MAN2B2: variants seen among roughly 807,000 people sequenced by gnomAD.
The protein encoded by MAN2B2 is epididymis-specific alpha-mannosidase.
In MAN2B2, 106 loss-of-function variants were observed where a neutral mutation model predicts 117.1. That is an observed-to-expected ratio of 0.90 (90% CI 0.77 to 1.06). MAN2B2 has a LOEUF of 1.06. MAN2B2 is among the 50% of genes least tolerant of loss of function. The probability of loss-of-function intolerance (pLI) is 0.00; values close to 1 mark genes in which losing one functional copy is unlikely to be tolerated. For missense variants in MAN2B2, 1,326 were observed against 1,381.4 expected, an observed-to-expected ratio of 0.96 and a Z score of 0.64; for synonymous variants, 544 against 595.1, an observed-to-expected ratio of 0.91 and a Z score of 1.25.
In MAN2B2 at chr4:6,608,882, G is replaced by A. The variant is rs573333445; in HGVS notation, c.1815-225G>A. On this transcript the variant is annotated intron_variant, in intron 11 of 18. Transcript: ENST00000285599. ...GACGGCTCACGGTTCCTGTCTGCAG[G>A]CTCTGTCCGTCTCCTCGTTTGTGAC... 2.4e-3 allele frequency among the ~76,000 whole-genome samples: 365 copies of A among 152,302 alleles called. 2 individuals carry two copies. Among genetic ancestry groups the A allele is most frequent in the South Asian group, 0.022 (107 of 4,828 alleles).
intron 5 of MAN2B2, among the ~76,000 whole-genome samples, chr4:6,591,344 G>A (rs1193745803): frequency 1.3e-5 from 2 of 152,218 alleles, no homozygotes; most frequent in Admixed American, 6.5e-5. Flanking sequence ...CACAGGTGAC[G>A]TCCATAGCAG....
At chr4:6,614,082 T>C in intron 15 of MAN2B2, 136 bp from the exon 16 acceptor site, 3 of 1,084,288 alleles carry the variant, frequency 2.8e-6, no homozygotes, top group Admixed American at 2.6e-5. Context: ...TTTGGGCTGG[T>C]GCGGGGTAGG....
chr4:6,595,332 A>G (rs1727037609), intron 7 of MAN2B2, among the ~76,000 whole-genome samples: 1 of 152,224 alleles, frequency 6.6e-6, no homozygotes, highest in African/African-American at 2.4e-5. Flanking sequence ...GTGAAAATTC[A>G]ATGAGAAGAA....
chr4:6,578,316 G>A, intron 2 of MAN2B2, 77 bp from the exon 3 acceptor site: 4 of 1,061,544 alleles, frequency 3.8e-6, no homozygotes, highest in Non-Finnish European at 5.7e-6. Flanking sequence ...GTGTGGCGCT[G>A]TAGGTGTGTT....
intron 16 of MAN2B2, among the ~76,000 whole-genome samples, chr4:6,614,788 G>A (rs1299721524): frequency 2.6e-5 from 4 of 152,358 alleles, no homozygotes; most frequent in Non-Finnish European, 5.9e-5. Context: ...TCAACAGCAC[G>A]TCTCGTGCCA....
Position 6,621,332 on chromosome 4 carries a change from T to C in MAN2B2, c.*47T>C, listed in dbSNP as rs1191361998. The C allele has an allele frequency of 1.3e-6, 2 of 1,522,128 alleles. No homozygotes were observed. The highest frequency in any genetic ancestry group is 2.3e-5 in the South Asian group (2 of 87,986). The allele number at this position is 1,522,128 out of a possible 1,614,324, so 94.3% of individuals were successfully genotyped here. A position where few individuals can be genotyped will look rare whatever the true frequency, so the allele number is the denominator to read the frequency against. ...CCCAGGGCTTCCCCCAGGAACTCCA[T>C]GTAACAGAACAGACCCAGGACAGGG... is the stretch of plus-strand genomic sequence containing the variant. On this transcript the variant is annotated 3_prime_UTR_variant, in exon 19 of 19. Coordinates refer to ENST00000285599, the MANE Select transcript of MAN2B2 (RefSeq NM_015274.3).
rs200941606 is a variant in MAN2B2 at position 6,609,128 on chromosome 4, C to T, written c.1836C>T (p.Arg612=). The change falls in exon 12 of 19, where the codon CGC becomes CGT. Residue 612 remains arginine (R), a synonymous_variant. Transcript: ENST00000285599. The part of the protein sequence containing the change: ...IWERQSNRTV[R]VTQEFLEYHV... ...GCAGACAGAGTAACCGAACGGTGCG[C>T]GTGACCCAGGAATTCCTGGAGTACC... The T allele has an allele frequency of 6.1e-4, 984 of 1,613,982 alleles. 2 individuals carry two copies. The highest frequency in any genetic ancestry group is 7.7e-4 in the Non-Finnish European group (903 of 1,179,914).
chr4:6,614,056 T>C (rs1009561367), intron 15 of MAN2B2, among the ~76,000 whole-genome samples, 162 bp from the exon 16 acceptor site: 8 of 152,042 alleles, frequency 5.3e-5, no homozygotes, highest in African/African-American at 1.2e-4. Context: ...GCCTGGGGCA[T>C]TGGGAGCACA....
rs770725079 is a variant in MAN2B2 at position 6,609,946 on chromosome 4, A to G, written c.2155A>G (p.Thr719Ala). Reference sequence around the variant, plus strand: ...GCTGAACCGTGAGGCTGTCCTGAGGACCAGCACCAACCTAAACAGCCAGCA... The same window carrying G: ...GCTGAACCGTGAGGCTGTCCTGAGGGCCAGCACCAACCTAAACAGCCAGCA... ...LELNREAVLR[T>A]STNLNSQQVI... is the part of the protein sequence containing the mutation. Residue 719 changes from threonine (T) to alanine (A), a missense_variant, in exon 13 of 19, where the codon ACC becomes GCC. Coordinates refer to ENST00000285599, the MANE Select transcript of MAN2B2 (RefSeq NM_015274.3). The G allele has an allele frequency of 1.2e-6, 2 of 1,614,042 alleles. No individual in the cohort carries two copies. The highest frequency in any genetic ancestry group is 2.7e-5 in the African/African-American group (2 of 74,920).
chr4:6,619,978 A>AC lies in MAN2B2; in HGVS notation c.2867dup (p.Gly957ArgfsTer23). The stretch of plus-strand genomic sequence containing the variant: ...GGTGGCAGTGGAGGAGCGCTCGCTC[A>AC]CAGGGACCTGGGATTTGAGCATGCT... On this transcript the variant is annotated frameshift_variant, in exon 18 of 19. Coordinates refer to ENST00000285599, the MANE Select transcript of MAN2B2 (RefSeq NM_015274.3). LOFTEE classifies it high-confidence loss of function. The AC allele has an allele frequency of 6.2e-7, 1 of 1,613,936 alleles. No individual in the cohort carries two copies. The highest frequency in any genetic ancestry group is 1.3e-5 in the African/African-American group (1 of 75,022).
intron 16 of MAN2B2, among the ~76,000 whole-genome samples, chr4:6,615,807 A>AT (rs570433646): frequency 4.0e-5 from 6 of 149,650 alleles, no homozygotes; most frequent in Admixed American, 1.3e-4. Flanking sequence ...CTCTAAAAAA[A>AT]TTTTTTTTTT....
At position 6,594,695 on chromosome 4, in the gene MAN2B2, T is replaced by A; in HGVS notation, c.1020T>A (p.Arg340=). The change falls in exon 7 of 19, where the codon CGT becomes CGA. Residue 340 remains arginine, a synonymous_variant. Transcript: ENST00000285599. The part of the protein sequence containing the change: ...RALHALNVTW[R]VRDHHDFLPY... The stretch of plus-strand genomic sequence containing the variant: ...TGCACGCTCTCAATGTCACCTGGCG[T>A]GTCCGCGACCACCACGACTTCCTGC... The A allele has an allele frequency of 6.2e-7, 1 of 1,612,676 alleles. No individual in the cohort carries two copies.
Position 6,623,215 on chromosome 4 carries a change from G to A in MAN2B2, c.*1930G>A, listed in dbSNP as rs1293580966. The stretch of plus-strand genomic sequence containing the variant: ...ACTAAAAATACAAAGTTAACCGGGT[G>A]TGGTGGTGTGCGCCTGTAGTCCCAG... On this transcript the variant is annotated 3_prime_UTR_variant, in exon 19 of 19. Coordinates refer to ENST00000285599, the MANE Select transcript of MAN2B2 (RefSeq NM_015274.3). 3 of 151,762 alleles carry A rather than the reference G, an allele frequency of 2.0e-5. No individual in the cohort carries two copies. The highest frequency in any genetic ancestry group is 4.9e-5 in the African/African-American group (2 of 40,894). 9.4% of individuals were successfully genotyped at this position (151,762 alleles called of 1,614,324 possible). A position where few individuals can be genotyped will look rare whatever the true frequency, so the allele number is the denominator to read the frequency against.
Position 6,622,841 on chromosome 4 carries a change from G to T in MAN2B2, c.*1556G>T, listed in dbSNP as rs1052547481. 2.0e-5 allele frequency: 3 copies of T among 151,912 alleles called. No individual in the cohort carries two copies. The highest frequency in any genetic ancestry group is 7.3e-5 in the African/African-American group (3 of 41,044). 9.4% of individuals were successfully genotyped at this position (151,912 alleles called of 1,614,324 possible). On this transcript the variant is annotated 3_prime_UTR_variant, in exon 19 of 19. Coordinates refer to ENST00000285599, the MANE Select transcript of MAN2B2 (RefSeq NM_015274.3). ...CCAGCTTGGAAGGAGTCAGACCTCTGGACAACGTGCAGTTTGGCCACCAGA... is the reference window on the plus strand; with the variant it reads ...CCAGCTTGGAAGGAGTCAGACCTCTTGACAACGTGCAGTTTGGCCACCAGA...
intron 3 of MAN2B2, among the ~76,000 whole-genome samples, chr4:6,579,087 T>TCAC (rs1726213482): frequency 3.4e-5 from 1 of 29,470 alleles, no homozygotes; most frequent in Non-Finnish European, 7.1e-5. Flanking sequence ...ACCACCACCA[T>TCAC]CACCATCACC....
intron 16 of MAN2B2, 52 bp from the exon 17 acceptor site, chr4:6,617,328 T>G: frequency 5.0e-6 from 7 of 1,390,910 alleles, no homozygotes; most frequent in Non-Finnish European, 7.1e-6. Context: ...ACCAGGGACA[T>G]TGGGGTTGGT....
At chr4:6,576,879 A>G (rs904871923) in intron 2 of MAN2B2, among the ~76,000 whole-genome samples, 155 bp downstream of exon 2, 11 of 152,326 alleles carry the variant, frequency 7.2e-5, no homozygotes, top group African/African-American at 2.4e-4. Flanking sequence ...TGTTTAGATC[A>G]AGGTTCACGG....
chr4:6,608,292 A>G (rs1197570281), intron 11 of MAN2B2, among the ~76,000 whole-genome samples: 2 of 152,170 alleles, frequency 1.3e-5, no homozygotes, highest in African/African-American at 2.4e-5. Context: ...ACCAGCACTC[A>G]GTAGAACCCT....
At position 6,589,067 on chromosome 4, in the gene MAN2B2, G is replaced by T. The variant is rs182263510; in HGVS notation, c.587G>T (p.Gly196Val). 1.9e-6 allele frequency: 3 copies of T among 1,614,104 alleles called. No homozygotes were observed. The South Asian group carries it at 3.3e-5, about 18-fold the overall frequency. Residue 196 changes from glycine (G) to valine (V), a missense_variant, in exon 5 of 19, where the codon GGG becomes GTG. By Grantham distance (109) the Gly-to-Val change is moderately radical. Transcript: ENST00000285599. ...EARGLQFVWR[G>V]SPSLSERQEI... ...CAGGGGCTGCAGTTCGTGTGGCGAG[G>T]GTCCCCATCCCTCTCAGAGCGGCAG...
Sources: gnomAD v4.1 joint callset for allele counts (sites outside exome capture counted in the v4.1 genomes callset) on GRCh38, gnomAD v4.1.1 for gene constraint, MANE v1.5 for transcripts, NCBI Gene and HGNC (gene_info 2026-07-23, HGNC 2026-07-21) for gene names.